The following LMTK2 variants were observed in gnomAD, a reference collection of about 807,000 sequenced individuals.
The protein encoded by LMTK2 is lemur tail kinase 2.
A neutral mutation model predicts 127.5 loss-of-function variants in LMTK2; 37 were observed. That is an observed-to-expected ratio of 0.29 (90% CI 0.22 to 0.38). The LOEUF (loss-of-function observed/expected upper bound fraction) is 0.38. LMTK2 is among the 10% of genes least tolerant of loss of function. The pLI is 1.00. For missense variants in LMTK2, 1,694 were observed against 1,920.3 expected, an observed-to-expected ratio of 0.88 and a Z score of 2.20; for synonymous variants, 819 against 810.1, an observed-to-expected ratio of 1.01 and a Z score of -0.19.
intron 3 of LMTK2, among the ~76,000 whole-genome samples, chr7:98,144,686 A>G (rs951664642): frequency 6.6e-5 from 10 of 151,304 alleles, no homozygotes; most frequent in African/African-American, 2.4e-4. Flanking sequence ...GGGAAAATTT[A>G]GAGGAAGGTA....
intron 4 of LMTK2, among the ~76,000 whole-genome samples, chr7:98,153,557 C>G (rs1033195808): frequency 6.6e-6 from 1 of 152,190 alleles, no homozygotes; most frequent in African/African-American, 2.4e-5. Context: ...TTAGACAACC[C>G]TCTTGAAGAG....
intron 1 of LMTK2, among the ~76,000 whole-genome samples, chr7:98,120,480 A>G (rs1796345327): frequency 6.6e-6 from 1 of 152,220 alleles, no homozygotes; most frequent in Non-Finnish European, 1.5e-5. Context: ...GTTTTAACCA[A>G]CTAGTAATTA....
chr7:98,134,864 A>T (rs1186336961), intron 1 of LMTK2, among the ~76,000 whole-genome samples: 1 of 152,204 alleles, frequency 6.6e-6, no homozygotes, highest in Non-Finnish European at 1.5e-5. Context: ...TCTTGTTCTC[A>T]TTGAAAGTTG....
At chr7:98,112,180 G>A (rs1173491031) in intron 1 of LMTK2, among the ~76,000 whole-genome samples, 1 of 152,076 alleles carries the variant, frequency 6.6e-6, no homozygotes, top group Non-Finnish European at 1.5e-5. Context: ...TGTGACTGAC[G>A]TTTTTCTTTC....
At chr7:98,108,166 C>A (rs1796145892) in intron 1 of LMTK2, among the ~76,000 whole-genome samples, 1 of 152,116 alleles carries the variant, frequency 6.6e-6, no homozygotes, top group Non-Finnish European at 1.5e-5. Context: ...AAAATTTAGA[C>A]CAATTTCTTC....
intron 7 of LMTK2, among the ~76,000 whole-genome samples, chr7:98,182,931 C>T (rs564047972): frequency 4.6e-5 from 7 of 152,274 alleles, no homozygotes; most frequent in South Asian, 4.1e-4. Context: ...GGGGAGGGGG[C>T]GATCAGATTC....
At position 98,171,692 on chromosome 7, in the gene LMTK2, C is replaced by T. The variant is rs116125074; in HGVS notation, c.791+18C>T. Reference sequence around the variant, plus strand: ...CTGCACAGGTGGGTACCTGCGTCAGCGGTGCACGCCCCACACAGCACCGGC... The same window carrying T: ...CTGCACAGGTGGGTACCTGCGTCAGTGGTGCACGCCCCACACAGCACCGGC... On this transcript the variant is annotated intron_variant, in intron 7 of 13. Coordinates refer to ENST00000297293, the MANE Select transcript of LMTK2 (RefSeq NM_014916.4). The surrounding 1 kb of genome is among the most constrained non-coding windows in gnomAD (Gnocchi z 5.1). 1,059 of 1,550,130 alleles carry T rather than the reference C, an allele frequency of 6.8e-4. 5 individuals carry two copies. In the African/African-American group the frequency reaches 9.3e-3, roughly 14 times the overall value.
At chr7:98,120,972 C>CA (rs1421489859) in intron 1 of LMTK2, among the ~76,000 whole-genome samples, 5 of 152,142 alleles carry the variant, frequency 3.3e-5, no homozygotes, top group Non-Finnish European at 7.3e-5. Context: ...AGCTGATCAC[C>CA]AACATTAACC....
Position 98,119,134 on chromosome 7 carries a change from A to G in LMTK2, c.103+11854A>G, listed in dbSNP as rs144030508. ...AAGAAATGCAGATTTCTGGGTCCCA[A>G]ACTAACCAGCTGAATCAAAATGCTG... On this transcript the variant is annotated intron_variant, in intron 1 of 13. Transcript: ENST00000297293. Among the ~76,000 whole-genome samples, 516 of 152,072 alleles carry G rather than the reference A, an allele frequency of 3.4e-3. 2 individuals are homozygous for G. The highest frequency in any genetic ancestry group is 7.7e-3 in the South Asian group (37 of 4,812).
chr7:98,151,424 T>A lies in LMTK2; in HGVS notation c.419T>A (p.Ile140Lys). ...GTTGCCCGCCACAGTCTAAACTACA[T>A]ACAGGAAATTGGAAATGGCTGGTTT... ...SQVARHSLNY[I>K]QEIGNGWFGK... is the part of the protein sequence containing the mutation. Residue 140 changes from isoleucine to lysine, a missense_variant, in exon 4 of 14, where the codon ATA becomes AAA. Physicochemically the swap from Ile to Lys is moderately radical, Grantham distance 102 (BLOSUM62 -3). Around this residue, in one of 8 missense-constraint regions of LMTK2, gnomAD observed 203 missense variants for 226.2 expected, o/e 0.90. Coordinates refer to ENST00000297293, the MANE Select transcript of LMTK2 (RefSeq NM_014916.4). 1 of 1,613,972 alleles carries A rather than the reference T, an allele frequency of 6.2e-7. No homozygotes were observed. The highest frequency in any genetic ancestry group is 8.5e-7 in the Non-Finnish European group (1 of 1,179,814).
At chr7:98,161,178 A>T (rs1236533271) in intron 6 of LMTK2, among the ~76,000 whole-genome samples, 1 of 151,374 alleles carries the variant, frequency 6.6e-6, no homozygotes, top group Non-Finnish European at 1.5e-5. Flanking sequence ...GGGATTCTCA[A>T]TTTTTTTTGT....
intron 7 of LMTK2, among the ~76,000 whole-genome samples, chr7:98,174,676 G>A (rs1261527084): frequency 6.6e-6 from 1 of 152,180 alleles, no homozygotes; most frequent in African/African-American, 2.4e-5. Context: ...CGGAGTACCT[G>A]GGTGACCATT....
At position 98,204,136 on chromosome 7, in the gene LMTK2, T is replaced by C; in HGVS notation, c.4433T>C (p.Ile1478Thr). ...CGGTTCTCCATCTCTCCCGCCAACA[T>C]TGCCAGCTTTTCCCTCACACACCTG... is the stretch of plus-strand genomic sequence containing the variant. ...YSRFSISPAN[I>T]ASFSLTHLTD... Residue 1478 changes from isoleucine (I) to threonine (T), a missense_variant, in exon 13 of 14, where the codon ATT becomes ACT. Transcript: ENST00000297293. 6.2e-7 allele frequency: 1 copy of C among 1,611,288 alleles called. No homozygotes were observed. The highest frequency in any genetic ancestry group is 8.5e-7 in the Non-Finnish European group (1 of 1,179,980).
Position 98,193,618 on chromosome 7 carries a change from C to T in LMTK2, c.3153C>T (p.Thr1051=), listed in dbSNP as rs766343941. Residue 1051 remains threonine, a synonymous_variant, in exon 11 of 14, where the codon ACC becomes ACT. Transcript: ENST00000297293. The surrounding 1 kb of genome is among the most constrained non-coding windows in gnomAD (Gnocchi z 4.1). ...CCTTGCATCCCGCTCCCGAGGGCAC[C>T]GCAGACTCAGAACCAGCCACCACGG... ...EWTLHPAPEG[T]ADSEPATTGD... 31 of 1,613,960 alleles carry T rather than the reference C, an allele frequency of 1.9e-5. No homozygotes were observed. The highest frequency in any genetic ancestry group is 2.3e-5 in the Non-Finnish European group (27 of 1,180,024).
At chr7:98,129,130 G>A (rs1324547315) in intron 1 of LMTK2, among the ~76,000 whole-genome samples, 3 of 152,128 alleles carry the variant, frequency 2.0e-5, no homozygotes, top group Non-Finnish European at 2.9e-5. Flanking sequence ...TGTCACCCAG[G>A]CTGTAGTGCA....
At chr7:98,185,394 G>C (rs1797419293) in intron 8 of LMTK2, among the ~76,000 whole-genome samples, 1 of 152,218 alleles carries the variant, frequency 6.6e-6, no homozygotes, top group African/African-American at 2.4e-5. Flanking sequence ...GATGTAGTCT[G>C]ATGGTGCATA....
In LMTK2 at chr7:98,192,947, C is replaced by T. The variant is rs752558319; in HGVS notation, c.2482C>T (p.Arg828Trp). The change falls in exon 11 of 14, where the codon CGG becomes TGG. Residue 828 changes from arginine to tryptophan, a missense_variant. Transcript: ENST00000297293. ...TSFETEETPR[R>W]VPPDSLPTQG... is the part of the protein sequence containing the mutation. Reference sequence around the variant, plus strand: ...CTTCGAAACAGAAGAAACGCCCCGTCGGGTACCCCCAGACTCACTCCCAAC... The same window carrying T: ...CTTCGAAACAGAAGAAACGCCCCGTTGGGTACCCCCAGACTCACTCCCAAC... The T allele has an allele frequency of 1.2e-5, 20 of 1,614,014 alleles. No individual in the cohort carries two copies. Among genetic ancestry groups the T allele is most frequent in the East Asian group, 2.2e-5 (1 of 44,898 alleles).
rs536666999 is a variant in LMTK2, at chr7:98,140,754, A to G, written c.232-643A>G. On this transcript the variant is annotated intron_variant, in intron 2 of 13. Coordinates refer to ENST00000297293, the MANE Select transcript of LMTK2 (RefSeq NM_014916.4). ...CAGTATGCAAAGAATCATGTCACAA[A>G]AGTAATAATATTAAAAGAATTGCTT... Among the ~76,000 whole-genome samples, 4 of 152,274 alleles carry G rather than the reference A, an allele frequency of 2.6e-5. No individual in the cohort carries two copies. The South Asian group carries it at 8.3e-4, about 32-fold the overall frequency.
intron 6 of LMTK2, among the ~76,000 whole-genome samples, chr7:98,170,005 T>C (rs1045876153): frequency 4.6e-5 from 7 of 152,234 alleles, no homozygotes; most frequent in African/African-American, 1.7e-4. Flanking sequence ...AGGATTGACC[T>C]TCAGTTATTT....
Sources: allele counts gnomAD v4.1 joint callset (sites outside exome capture counted in the v4.1 genomes callset), GRCh38; gene constraint gnomAD v4.1.1; regional missense constraint gnomAD v4.1.1; non-coding constraint Gnocchi (gnomAD v3.1); transcripts MANE v1.5; gene names NCBI Gene and HGNC (gene_info 2026-07-23, HGNC 2026-07-21).